The following PCDHGB5 variants were observed in gnomAD, a reference collection of about 807,000 sequenced individuals.
The protein encoded by PCDHGB5 is protocadherin gamma-B5.
A neutral mutation model predicts 62.9 loss-of-function variants in PCDHGB5; 48 were observed. The ratio of observed to expected loss-of-function variants is 0.76; its 90% CI spans 0.61 to 0.97. The LOEUF is 0.97. PCDHGB5 is among the 50% of genes least tolerant of loss of function. PCDHGB5 has a pLI of 0.00. For synonymous variants in PCDHGB5, 474 were observed against 511.2 expected (o/e 0.93, Z 0.98); for missense variants, 1,118 against 1,198.6 (o/e 0.93, Z 0.99).
chr5:141,484,512 G>A (rs1178383152), intron 1 of PCDHGB5, among the ~76,000 whole-genome samples: 47 of 152,196 alleles, frequency 3.1e-4, no homozygotes, highest in Non-Finnish European at 4.0e-4. Context: ...TTCTGCAGAA[G>A]GGCAGAGTTT....
chr5:141,410,645 A>G (rs755117096), intron 1 of PCDHGB5: 11 of 1,597,402 alleles, frequency 6.9e-6, no homozygotes, highest in Non-Finnish European at 9.3e-6. Flanking sequence ...TTTGTGTGTG[A>G]TTTATCTAAT....
intron 1 of PCDHGB5, chr5:141,426,581 C>A: frequency 2.8e-6 from 1 of 358,468 alleles, no homozygotes. Context: ...TCTTCAAAAT[C>A]CTCTGTGTCA....
At chr5:141,442,445 T>A (rs2098325574) in intron 1 of PCDHGB5, 1 of 152,198 alleles carries the variant, frequency 6.6e-6, no homozygotes, top group South Asian at 2.1e-4. Flanking sequence ...CCCTCAGGAC[T>A]CAATAGCAGT....
Position 141,428,007 on chromosome 5 carries a change from A to T in PCDHGB5, c.2397+27483A>T, listed in dbSNP as rs770851074. 9.4e-6 allele frequency: 15 copies of T among 1,602,018 alleles called. No individual in the cohort carries two copies. In the African/African-American group the frequency reaches 1.5e-4, roughly 16 times the overall value. ...GCCCGATGGCTCCGCACTCTTCGAT[A>T]TAGTGCCACGCGCCGCAGAGTCCGG... On this transcript the variant is annotated intron_variant, in intron 1 of 3. Coordinates refer to ENST00000617380, the MANE Select transcript of PCDHGB5 (RefSeq NM_018925.3).
At chr5:141,494,195 C>T in intron 1 of PCDHGB5, among the ~76,000 whole-genome samples, 1 of 152,188 alleles carries the variant, frequency 6.6e-6, no homozygotes, top group Non-Finnish European at 1.5e-5. Flanking sequence ...GACTTGGATG[C>T]CCCGCAAAGG....
intron 1 of PCDHGB5, chr5:141,418,849 G>T (rs1479117344): frequency 1.5e-5 from 25 of 1,613,886 alleles, no homozygotes; most frequent in Non-Finnish European, 1.8e-5. Context: ...TCTCAACACG[G>T]TGTAAAGTAA....
chr5:141,429,426 G>C (rs992784469), intron 1 of PCDHGB5, among the ~76,000 whole-genome samples: 3 of 151,724 alleles, frequency 2.0e-5, no homozygotes, highest in African/African-American at 4.8e-5. Context: ...TGTTGCCCAG[G>C]CTGGACTCAA....
chr5:141,500,114 G>A (rs72790070), intron 2 of PCDHGB5, among the ~76,000 whole-genome samples: 10,550 of 151,670 alleles, frequency 0.07, 640 homozygotes, highest in African/African-American at 0.16. Flanking sequence ...TTGAATCCCT[G>A]CCTTTTCATA....
At position 141,489,108 on chromosome 5, in the gene PCDHGB5, A is replaced by C; in HGVS notation, c.2398-5699A>C. The C allele has an allele frequency of 2.0e-6, 1 of 489,086 alleles. No individual in the cohort carries two copies. The highest frequency in any genetic ancestry group is 3.5e-6 in the Non-Finnish European group (1 of 287,626). 30.3% of individuals were successfully genotyped at this position (489,086 alleles called of 1,614,324 possible). On this transcript the variant is annotated intron_variant, in intron 1 of 3. Transcript: ENST00000617380. This position sits in a 1 kb window ranked among gnomAD's most constrained non-coding sequence, Gnocchi z 4.5. The stretch of plus-strand genomic sequence containing the variant: ...TCGGTGACTAAGAACTGCTGCAAGC[A>C]GGCAAACCTCCGAGCAGTTTTTAAG...
chr5:141,419,681 G>T (rs377117997), intron 1 of PCDHGB5: 89 of 1,612,904 alleles, frequency 5.5e-5, no homozygotes, highest in Non-Finnish European at 7.0e-5. Flanking sequence ...GTCCTACCAC[G>T]TGGTGCAGGC....
chr5:141,423,070 C>G, intron 1 of PCDHGB5: 1 of 1,614,132 alleles, frequency 6.2e-7, no homozygotes, highest in Non-Finnish European at 8.5e-7. Flanking sequence ...GGCCAGCGAG[C>G]CGGGACTCTT....
At chr5:141,462,116 C>T (rs535029363) in intron 1 of PCDHGB5, among the ~76,000 whole-genome samples, 3 of 152,152 alleles carry the variant, frequency 2.0e-5, no homozygotes, top group Admixed American at 1.3e-4. Context: ...AGCCACTGCA[C>T]CCAGTCCAAT....
intron 1 of PCDHGB5, chr5:141,418,422 G>A: frequency 6.2e-7 from 1 of 1,613,996 alleles, no homozygotes; most frequent in East Asian, 2.2e-5. Context: ...AATCCTGATG[G>A]TGGCAAATAT....
At chr5:141,451,224 C>G (rs2098710956) in intron 1 of PCDHGB5, among the ~76,000 whole-genome samples, 1 of 152,170 alleles carries the variant, frequency 6.6e-6, no homozygotes, top group South Asian at 2.1e-4. Flanking sequence ...TTAAAAGAAG[C>G]ATTTATTATC....
intron 2 of PCDHGB5, among the ~76,000 whole-genome samples, chr5:141,495,119 C>T (rs1024197360): frequency 3.9e-5 from 6 of 152,182 alleles, no homozygotes; most frequent in African/African-American, 1.4e-4. Context: ...CTTTTCCTAT[C>T]CCCTGAGGGC....
rs566838507 is a variant in PCDHGB5, at chr5:141,415,047, G to A, written c.2397+14523G>A. 5 of 1,613,392 alleles carry A rather than the reference G, an allele frequency of 3.1e-6. No homozygotes were observed. The African/African-American group carries it at 5.3e-5, about 17-fold the overall frequency. Reference sequence around the variant, plus strand: ...GCGAGCCGGGACTCTTCGCGGTGGGGGAGCACACGGGCGAGGTGCGCACGG... The same window carrying A: ...GCGAGCCGGGACTCTTCGCGGTGGGAGAGCACACGGGCGAGGTGCGCACGG... On this transcript the variant is annotated intron_variant, in intron 1 of 3. Coordinates refer to ENST00000617380, the MANE Select transcript of PCDHGB5 (RefSeq NM_018925.3).
chr5:141,399,806 A>G lies in PCDHGB5; in HGVS notation c.1679A>G (p.Tyr560Cys). The G allele has an allele frequency of 6.2e-7, 1 of 1,613,106 alleles. No individual in the cohort carries two copies. Among genetic ancestry groups the G allele is most frequent in the Non-Finnish European group, 8.5e-7 (1 of 1,179,734 alleles). Residue 560 changes from tyrosine to cysteine, a missense_variant, in exon 1 of 4, where the codon TAC (tyrosine) becomes TGC (cysteine). Around this residue, in one of 2 missense-constraint regions of PCDHGB5, gnomAD observed 1,034 missense variants for 1,029.1 expected, o/e 1.00. Coordinates refer to ENST00000617380, the MANE Select transcript of PCDHGB5 (RefSeq NM_018925.3). ...DRNDNAPRVL[Y>C]PALGPDGSAL... ...AACGACAACGCACCGCGGGTGCTGT[A>G]CCCCGCGCTGGGTCCCGACGGCTCT... is the stretch of plus-strand genomic sequence containing the variant.
At chr5:141,428,175 G>A (rs766332920) in intron 1 of PCDHGB5, 20 of 1,508,456 alleles carry the variant, frequency 1.3e-5, no homozygotes, top group Non-Finnish European at 1.8e-5. Flanking sequence ...GTGCGTGACG[G>A]AGGACAGCCG....
rs773899530 is a variant in PCDHGB5 at position 141,494,864 on chromosome 5, G to C, written c.2455G>C (p.Gly819Arg). ...FSQAQRPGTS[G>R]SQNGDDTGTW... ...TCAGGCCCAGAGACCCGGCACCAGCGGGTAGGTGACTGATTCTCCAGCCCA... is the reference window on the plus strand; with the variant it reads ...TCAGGCCCAGAGACCCGGCACCAGCCGGTAGGTGACTGATTCTCCAGCCCA... The change falls in exon 2 of 4, where the codon GGC becomes CGC. Residue 819 changes from glycine (G) to arginine (R), a missense_variant and splice_region_variant. Transcript: ENST00000617380. The C allele has an allele frequency of 1.2e-6, 2 of 1,614,068 alleles. No individual in the cohort carries two copies. Among genetic ancestry groups the C allele is most frequent in the Middle Eastern group, 1.6e-4 (1 of 6,062 alleles).
Sources: gnomAD v4.1 joint callset for allele counts (sites outside exome capture counted in the v4.1 genomes callset) on GRCh38, gnomAD v4.1.1 for gene constraint, gnomAD v4.1.1 regional missense constraint, Gnocchi (gnomAD v3.1) non-coding constraint, MANE v1.5 for transcripts, NCBI Gene and HGNC (gene_info 2026-07-23, HGNC 2026-07-21) for gene names.